Variants in KANK1 observed in about 807,000 individuals in gnomAD.
The protein encoded by KANK1 is KN motif and ankyrin repeat domain-containing protein 1.
A neutral mutation model predicts 106.2 loss-of-function variants in KANK1; 109 were observed. The observed-to-expected ratio is 1.03, with a 90% CI of 0.88 to 1.20. The LOEUF (loss-of-function observed/expected upper bound fraction) is 1.20, where lower values mean the gene tolerates loss of function less well. Ranked by LOEUF, KANK1 falls within the 50% of genes most tolerant of loss-of-function variation. The probability of loss-of-function intolerance (pLI) is 0.00; values close to 1 mark genes in which losing one functional copy is unlikely to be tolerated. For missense variants in KANK1, 2,399 were observed against 1,710.7 expected (o/e 1.40, Z -7.10); for synonymous variants, 873 against 652.2 (o/e 1.34, Z -5.16).
At chr9:628,410 G>T (rs79289177) in intron 1 of KANK1, among the ~76,000 whole-genome samples, 3,993 of 110,084 alleles carry the variant, frequency 0.036, 181 homozygotes, top group African/African-American at 0.12. Context: ...TCCCAGTAGG[G>T]GGGGTTCCTG....
chr9:494,835 A>C (rs1035078736), intron 3 of KANK1, among the ~76,000 whole-genome samples: 1 of 152,000 alleles, frequency 6.6e-6, no homozygotes, highest in Non-Finnish European at 1.5e-5. Context: ...TGGCACAATA[A>C]AAATAGTGCA....
At chr9:636,557 T>G (rs555066385) in intron 1 of KANK1, among the ~76,000 whole-genome samples, 1 of 152,304 alleles carries the variant, frequency 6.6e-6, no homozygotes. Context: ...CTGGGCATTC[T>G]GTCCTGTACA....
chr9:620,037 TG>T (rs1421412052), intron 1 of KANK1, among the ~76,000 whole-genome samples: 1 of 151,958 alleles, frequency 6.6e-6, no homozygotes, highest in African/African-American at 2.4e-5. Context: ...CTAGGGAGGC[TG>T]AGGCAGGAGA....
rs144306160 is a variant in KANK1 at position 532,961 on chromosome 9, C to A, written c.-84+28207C>A. Among the ~76,000 whole-genome samples, 999 of 152,072 alleles carry A rather than the reference C, an allele frequency of 6.6e-3. 17 individuals are homozygous for A. The highest frequency in any genetic ancestry group is 0.023 in the African/African-American group (947 of 41,472). On this transcript the variant is annotated intron_variant, in intron 1 of 11. Transcript: ENST00000382297. The stretch of plus-strand genomic sequence containing the variant: ...TGTGCTTGGAGGCCGGGTGTTTTGC[C>A]GACGATAATGGGGCATCTCTGGCAC...
chr9:553,445 G>A (rs1046530975), intron 1 of KANK1, among the ~76,000 whole-genome samples: 7 of 152,144 alleles, frequency 4.6e-5, no homozygotes, highest in Admixed American at 2.6e-4. Context: ...AAGTGGCTGA[G>A]TTTTCTAAGA....
Position 606,142 on chromosome 9 carries a change from T to TACAC in KANK1, c.-83-70711_-83-70708dup, listed in dbSNP as rs3028170. Among the ~76,000 whole-genome samples the TACAC allele has an allele frequency of 9.5e-3, 1,343 of 141,730 alleles. 30 individuals are homozygous for TACAC. The highest frequency in any genetic ancestry group is 0.027 in the African/African-American group (966 of 36,186). The allele number at this position is 141,730 out of a possible 152,430, so 93.0% of individuals were successfully genotyped here. On this transcript the variant is annotated intron_variant, in intron 1 of 11. Coordinates refer to ENST00000382297, the MANE Select transcript of KANK1 (RefSeq NM_015158.5). ...TATAGCATTGAATTACACATATTCCTACACACACACACACACACACACACA... is the reference window on the plus strand; with the variant it reads ...TATAGCATTGAATTACACATATTCCTACACACACACACACACACACACACACACA...
At chr9:544,627 G>A (rs2060819869) in intron 1 of KANK1, among the ~76,000 whole-genome samples, 1 of 152,124 alleles carries the variant, frequency 6.6e-6, no homozygotes, top group Admixed American at 6.5e-5. Flanking sequence ...CGCTCTGATA[G>A]GGGAAGTACG....
chr9:495,452 G>A (rs1305699115), intron 3 of KANK1: 1 of 152,098 alleles, frequency 6.6e-6, no homozygotes, highest in African/African-American at 2.4e-5. Flanking sequence ...AGATTGGCTG[G>A]TTTTGGTGCT....
intron 1 of KANK1, among the ~76,000 whole-genome samples, chr9:564,899 C>T (rs920958174): frequency 3.0e-4 from 46 of 152,342 alleles, no homozygotes; most frequent in African/African-American, 8.7e-4. Context: ...CTGGTCCACA[C>T]AGGTGACTGC....
At chr9:554,306 G>A (rs1288498986) in intron 1 of KANK1, among the ~76,000 whole-genome samples, 2 of 152,214 alleles carry the variant, frequency 1.3e-5, no homozygotes, top group African/African-American at 4.8e-5. Context: ...GTGCGCTGAT[G>A]TCTGAGGGCA....
chr9:653,946 G>C (rs772275824), intron 1 of KANK1, among the ~76,000 whole-genome samples: 9 of 152,104 alleles, frequency 5.9e-5, no homozygotes, highest in Non-Finnish European at 1.0e-4. Context: ...ATTTTTTGCA[G>C]AGTGTGCCAC....
At chr9:480,724 C>T (rs1047538839) in intron 3 of KANK1, among the ~76,000 whole-genome samples, 1 of 152,230 alleles carries the variant, frequency 6.6e-6, no homozygotes, top group African/African-American at 2.4e-5. Context: ...AAAGCATAGG[C>T]AGGGGAGCCG....
intron 1 of KANK1, among the ~76,000 whole-genome samples, chr9:553,978 A>T (rs1335766695): frequency 6.6e-6 from 1 of 152,168 alleles, no homozygotes; most frequent in Non-Finnish European, 1.5e-5. Context: ...CTGGGCTCCA[A>T]CCCCAGACCT....
chr9:543,998 G>C (rs1159561822), intron 1 of KANK1, among the ~76,000 whole-genome samples: 1 of 151,568 alleles, frequency 6.6e-6, no homozygotes, highest in Non-Finnish European at 1.5e-5. Context: ...AACATTTCAT[G>C]TTCTATTTTA....
At chr9:683,197 T>A (rs1293273433) in intron 2 of KANK1, among the ~76,000 whole-genome samples, 2 of 152,194 alleles carry the variant, frequency 1.3e-5, no homozygotes, top group African/African-American at 4.8e-5. Context: ...CTATGGCTGC[T>A]TTAATTCATG....
intron 1 of KANK1, among the ~76,000 whole-genome samples, chr9:562,056 T>TTTA (rs1262366654): frequency 7.0e-6 from 1 of 142,912 alleles, no homozygotes; most frequent in Non-Finnish European, 1.5e-5. Flanking sequence ...TTTTTTTTTT[T>TTTA]TTTTTTTGAG....
In KANK1 at chr9:711,015, A is replaced by C; in HGVS notation, c.249A>C (p.Gln83His). The change falls in exon 3 of 12, where the codon CAA becomes CAC. Residue 83 changes from glutamine (Q) to histidine (H), a missense_variant. By Grantham distance (24) the Gln-to-His change is conservative. Coordinates refer to ENST00000382297, the MANE Select transcript of KANK1 (RefSeq NM_015158.5). The stretch of plus-strand genomic sequence containing the variant: ...AACCCAGGACCACATCTGGTCAGCA[A>C]GGTATATGGACTTCCACTGAATCCC... The part of the protein sequence containing the change: ...CPEPRTTSGQ[Q>H]GIWTSTESLS... 1 of 1,614,220 alleles carries C rather than the reference A, an allele frequency of 6.2e-7. No homozygotes were observed. Among genetic ancestry groups the C allele is most frequent in the Non-Finnish European group, 8.5e-7 (1 of 1,180,038 alleles).
chr9:637,202 G>T (rs990847587), intron 1 of KANK1, among the ~76,000 whole-genome samples: 1 of 152,078 alleles, frequency 6.6e-6, no homozygotes, highest in Non-Finnish European at 1.5e-5. Flanking sequence ...GCTATTCCCA[G>T]GTCTTCTGTT....
At chr9:628,757 A>G (rs1384707211) in intron 1 of KANK1, among the ~76,000 whole-genome samples, 1 of 151,996 alleles carries the variant, frequency 6.6e-6, no homozygotes, top group Non-Finnish European at 1.5e-5. Context: ...GGTTCCCTGG[A>G]TTCAAGTGGT....
Sources: allele counts gnomAD v4.1 joint callset (sites outside exome capture counted in the v4.1 genomes callset), GRCh38; gene constraint gnomAD v4.1.1; transcripts MANE v1.5; gene names NCBI Gene and HGNC (gene_info 2026-07-23, HGNC 2026-07-21).